Variants in LMO1 observed in about 807,000 individuals in gnomAD.
LMO1 encodes the protein LIM domain only 1.
Under a neutral mutation model 18.0 loss-of-function variants are expected in LMO1, and 10 were observed. The observed-to-expected ratio is 0.55, with a 90% CI of 0.34 to 0.94. The LOEUF (loss-of-function observed/expected upper bound fraction) is 0.94. LMO1 is among the 40% of genes least tolerant of loss of function. The probability of loss-of-function intolerance (pLI) is 0.02; values close to 1 mark genes in which losing one functional copy is unlikely to be tolerated. For synonymous variants in LMO1, 77 were observed against 77.9 expected, an observed-to-expected ratio of 0.99 and a Z score of 0.06; for missense variants, 183 against 205.7, an observed-to-expected ratio of 0.89 and a Z score of 0.68.
upstream of LMO1, chr11:8,268,614 C>T (rs1036836365): frequency 2.4e-6 from 1 of 410,726 alleles, no homozygotes; most frequent in Non-Finnish European, 4.0e-6. Context: ...CGGAGCGCAG[C>T]CCCGCGGGCA....
At chr11:8,251,917 TG>T (rs2134570702) in intron 1 of LMO1, among the ~76,000 whole-genome samples, 1 of 144,506 alleles carries the variant, frequency 6.9e-6, no homozygotes, top group African/African-American at 2.6e-5. Context: ...GGTGGGTGTG[TG>T]GTGGGTGTGT....
At chr11:8,253,233 T>C (rs1438258533) in intron 1 of LMO1, among the ~76,000 whole-genome samples, 1 of 152,070 alleles carries the variant, frequency 6.6e-6, no homozygotes, top group Non-Finnish European at 1.5e-5. Context: ...AGAGCAATCC[T>C]CCCAAAGCTG....
chr11:8,228,822 C>G (rs569932567), intron 2 of LMO1, among the ~76,000 whole-genome samples: 1 of 152,256 alleles, frequency 6.6e-6, no homozygotes, highest in East Asian at 1.9e-4. Flanking sequence ...AGTCAGCCCC[C>G]AGGTGATGCC....
Position 8,263,380 on chromosome 11 carries a change from C to T in LMO1, c.-18G>A. ...ACCATCATCTCGGGCGCTCCGTGTCCAGCCGCAGCTAGGCTCGGCCGGGAG... is the reference window on the plus strand; with the variant it reads ...ACCATCATCTCGGGCGCTCCGTGTCTAGCCGCAGCTAGGCTCGGCCGGGAG... On this transcript the variant is annotated 5_prime_UTR_variant, in exon 1 of 4. Coordinates refer to ENST00000335790, the MANE Select transcript of LMO1 (RefSeq NM_002315.3). 1 of 1,602,928 alleles carries T rather than the reference C, an allele frequency of 6.2e-7. No homozygotes were observed. The highest frequency in any genetic ancestry group is 8.5e-7 in the Non-Finnish European group (1 of 1,177,996).
chr11:8,243,196 C>G (rs1340647970), intron 1 of LMO1, among the ~76,000 whole-genome samples: 1 of 152,142 alleles, frequency 6.6e-6, no homozygotes, highest in East Asian at 1.9e-4. Flanking sequence ...TATTGAGGCC[C>G]TGGGGGTTGC....
intron 3 of LMO1, among the ~76,000 whole-genome samples, chr11:8,226,102 A>C (rs1952534959): frequency 6.6e-6 from 1 of 152,190 alleles, no homozygotes; most frequent in Non-Finnish European, 1.5e-5. Context: ...CAGATTTGGG[A>C]ACCCCTTCTC....
At chr11:8,268,444 A>G, upstream of LMO1, 1 of 1,462,116 alleles carries the variant, frequency 6.8e-7, no homozygotes, top group Non-Finnish European at 9.0e-7. Context: ...CTGGTCCAAC[A>G]CCATGGTCCC....
At chr11:8,260,944 G>A (rs1027173586) in intron 1 of LMO1, among the ~76,000 whole-genome samples, 6 of 152,168 alleles carry the variant, frequency 3.9e-5, no homozygotes, top group Admixed American at 6.5e-5. Flanking sequence ...GGGCAGAAGC[G>A]TTCAAGAAGA....
intron 1 of LMO1, among the ~76,000 whole-genome samples, 188 bp downstream of exon 1, chr11:8,263,150 C>G (rs1400903390): frequency 7.3e-5 from 11 of 151,520 alleles, no homozygotes; most frequent in South Asian, 4.1e-4. Flanking sequence ...CCTCCTCCCC[C>G]CGCAAGTTCC....
chr11:8,249,987 T>G (rs1035952128), intron 1 of LMO1, among the ~76,000 whole-genome samples: 3 of 152,224 alleles, frequency 2.0e-5, no homozygotes, highest in African/African-American at 7.2e-5. Flanking sequence ...TAAGTCAATT[T>G]AATTCCTTGA....
chr11:8,254,651 C>G (rs150905758), intron 1 of LMO1, among the ~76,000 whole-genome samples: 94 of 149,246 alleles, frequency 6.3e-4, no homozygotes, highest in African/African-American at 2.2e-3. Flanking sequence ...AGGAATGGAG[C>G]TGGGCTCCCA....
chr11:8,232,706 C>A (rs888369750), intron 1 of LMO1, among the ~76,000 whole-genome samples: 1 of 152,200 alleles, frequency 6.6e-6, no homozygotes, highest in African/African-American at 2.4e-5. Context: ...TGGTCCTGAG[C>A]CCCTCCCAGG....
At chr11:8,234,432 G>A (rs547958875) in intron 1 of LMO1, among the ~76,000 whole-genome samples, 10 of 152,124 alleles carry the variant, frequency 6.6e-5, no homozygotes, top group African/African-American at 2.4e-4. Context: ...AGCAACTCCT[G>A]CCCACCTGTC....
chr11:8,235,400 C>T (rs899637731), intron 1 of LMO1, among the ~76,000 whole-genome samples: 1 of 152,202 alleles, frequency 6.6e-6, no homozygotes, highest in Middle Eastern at 3.2e-3. Flanking sequence ...AGCCTCTATA[C>T]CCCCTAATAC....
chr11:8,263,103 G>GGCGTGCGGCCCCGGGC (rs1265613630), intron 1 of LMO1, among the ~76,000 whole-genome samples: 1 of 151,488 alleles, frequency 6.6e-6, no homozygotes, highest in African/African-American at 2.4e-5. Flanking sequence ...GGACCCGGGG[G>GGCGTGCGGCCCCGGGC]GCGTGCGGCC....
chr11:8,249,217 T>C (rs446317), intron 1 of LMO1, among the ~76,000 whole-genome samples: 149,600 of 152,244 alleles, frequency 0.98, 73,563 homozygotes, highest in East Asian at 1. Context: ...ACCCAGACCC[T>C]CACCTGCCTC....
At chr11:8,265,292 CTG>C (rs758898997), upstream of LMO1, among the ~76,000 whole-genome samples, 4 of 152,130 alleles carry the variant, frequency 2.6e-5, no homozygotes, top group Non-Finnish European at 5.9e-5. Flanking sequence ...GCTTTGTAAA[CTG>C]TGGCACTCCA....
chr11:8,231,818 G>T (rs1274306681), intron 1 of LMO1, among the ~76,000 whole-genome samples: 2 of 151,978 alleles, frequency 1.3e-5, no homozygotes, highest in African/African-American at 4.8e-5. Context: ...ACTGCCCCCA[G>T]CCCAGAGTCT....
intron 2 of LMO1, among the ~76,000 whole-genome samples, 196 bp downstream of exon 2, chr11:8,230,095 G>A (rs1311577545): frequency 6.6e-6 from 1 of 152,200 alleles, no homozygotes; most frequent in Non-Finnish European, 1.5e-5. Flanking sequence ...CGAGTCCAAG[G>A]GCATAACGAC....
Sources: allele counts gnomAD v4.1 joint callset (sites outside exome capture counted in the v4.1 genomes callset), GRCh38; gene constraint gnomAD v4.1.1; transcripts MANE v1.5; gene names NCBI Gene and HGNC (gene_info 2026-07-23, HGNC 2026-07-21).